CACNB2: variants seen among roughly 807,000 people sequenced by gnomAD.
The protein encoded by CACNB2 is calcium voltage-gated channel auxiliary subunit beta 2, also known as voltage-dependent L-type calcium channel subunit beta-2.
CACNB2 carries 42 observed loss-of-function variants against 73.3 expected under a neutral mutation model. The ratio of observed to expected loss-of-function variants is 0.57; its 90% CI spans 0.45 to 0.74. The LOEUF (loss-of-function observed/expected upper bound fraction) is 0.74, where lower values mean the gene tolerates loss of function less well. Among genes scored for constraint, CACNB2 ranks in the 30% least tolerant of loss-of-function variants. The pLI, the probability that CACNB2 is intolerant of heterozygous loss-of-function variation, is 0.00. For synonymous variants in CACNB2, 348 were observed against 310.3 expected, an observed-to-expected ratio of 1.12 and a Z score of -1.28; for missense variants, 940 against 853.0, an observed-to-expected ratio of 1.10 and a Z score of -1.27.
At chr10:18,161,520 C>A (rs1159764492) in intron 2 of CACNB2, among the ~76,000 whole-genome samples, 2 of 151,552 alleles carry the variant, frequency 1.3e-5, no homozygotes, top group African/African-American at 4.9e-5. Context: ...GTAGGTGTAA[C>A]CTTAAAGTTT....
intron 2 of CACNB2, among the ~76,000 whole-genome samples, chr10:18,373,546 A>C (rs924291833): frequency 1.3e-5 from 2 of 152,210 alleles, no homozygotes; most frequent in Non-Finnish European, 2.9e-5. Flanking sequence ...GCCCAAGATC[A>C]CATAGTTCAT....
intron 6 of CACNB2, among the ~76,000 whole-genome samples, chr10:18,509,081 T>C (rs2050631923): frequency 6.6e-6 from 1 of 152,216 alleles, no homozygotes; most frequent in South Asian, 2.1e-4. Flanking sequence ...CTTGGAGCTA[T>C]AACCAACTAC....
At chr10:18,185,554 G>A (rs915186696) in intron 2 of CACNB2, among the ~76,000 whole-genome samples, 1 of 152,116 alleles carries the variant, frequency 6.6e-6, no homozygotes, top group Non-Finnish European at 1.5e-5. Flanking sequence ...GGACTGTTTT[G>A]GACACAGTTT....
At chr10:18,418,716 C>A (rs934925464) in intron 3 of CACNB2, among the ~76,000 whole-genome samples, 1 of 151,952 alleles carries the variant, frequency 6.6e-6, no homozygotes, top group African/African-American at 2.4e-5. Flanking sequence ...TGTCACTTCC[C>A]TTTTTTTTGG....
intron 2 of CACNB2, among the ~76,000 whole-genome samples, chr10:18,220,226 T>TAGAG (rs1275395034): frequency 8.1e-4 from 37 of 45,656 alleles, no homozygotes; most frequent in East Asian, 1.7e-3. Flanking sequence ...TATATATATA[T>TAGAG]ATATATAGAG....
intron 10 of CACNB2, among the ~76,000 whole-genome samples, chr10:18,531,047 G>T (rs951680880): frequency 1.3e-5 from 2 of 152,104 alleles, no homozygotes; most frequent in African/African-American, 2.4e-5. Flanking sequence ...AGAGTTTTGT[G>T]TGTAGTAATT....
At chr10:18,455,072 T>C (rs1295072015) in intron 3 of CACNB2, among the ~76,000 whole-genome samples, 3 of 149,988 alleles carry the variant, frequency 2.0e-5, no homozygotes, top group Non-Finnish European at 3.0e-5. Flanking sequence ...TTCGTACTCA[T>C]TGACGTGAAA....
rs574511421 is a variant in CACNB2 at position 18,196,269 on chromosome 10, A to G, written c.213+45294A>G. 6.7e-5 allele frequency among the ~76,000 whole-genome samples: 10 copies of G among 150,320 alleles called. No homozygotes were observed. In the East Asian group the frequency reaches 2.0e-3, roughly 29 times the overall value. On this transcript the variant is annotated intron_variant, in intron 2 of 13. Coordinates refer to ENST00000324631, the MANE Select transcript of CACNB2 (RefSeq NM_201596.3). ...CACTACTAAGCTGTTTAACAATACAATGGCAGCACCACCACCAACAAAACT... is the reference window on the plus strand; with the variant it reads ...CACTACTAAGCTGTTTAACAATACAGTGGCAGCACCACCACCAACAAAACT...
intron 1 of CACNB2, among the ~76,000 whole-genome samples, chr10:18,145,678 C>T (rs909660377): frequency 6.6e-6 from 1 of 152,164 alleles, no homozygotes; most frequent in Non-Finnish European, 1.5e-5. Context: ...TGGTGATACT[C>T]TACAATTTTG....
At chr10:18,272,567 C>A (rs60528574) in intron 2 of CACNB2, among the ~76,000 whole-genome samples, 1 of 152,168 alleles carries the variant, frequency 6.6e-6, no homozygotes, top group Non-Finnish European at 1.5e-5. Context: ...ATAATCCCCA[C>A]GAGTCATGGG....
chr10:18,446,918 G>T (rs1264530467), intron 3 of CACNB2, among the ~76,000 whole-genome samples: 1 of 152,118 alleles, frequency 6.6e-6, no homozygotes, highest in East Asian at 1.9e-4. Context: ...AAAAAATTAG[G>T]TGTGATGGTG....
chr10:18,507,650 T>A (rs2050563487), intron 6 of CACNB2, among the ~76,000 whole-genome samples: 1 of 152,138 alleles, frequency 6.6e-6, no homozygotes, highest in African/African-American at 2.4e-5. Context: ...AAAAAGCACA[T>A]GATCAGTATC....
intron 2 of CACNB2, among the ~76,000 whole-genome samples, chr10:18,245,698 G>A (rs1005963580): frequency 5.3e-5 from 8 of 151,870 alleles, no homozygotes; most frequent in East Asian, 1.9e-4. Context: ...AGTTAGCCAC[G>A]TGATTACCTC....
chr10:18,505,265 G>A (rs1187646071), intron 5 of CACNB2, among the ~76,000 whole-genome samples: 2 of 150,820 alleles, frequency 1.3e-5, no homozygotes, highest in East Asian at 1.9e-4. Context: ...AAAAACTTCT[G>A]GGGAAAAAAA....
chr10:18,301,805 C>T (rs1310181865), intron 2 of CACNB2, among the ~76,000 whole-genome samples: 4 of 151,798 alleles, frequency 2.6e-5, no homozygotes, highest in Non-Finnish European at 4.4e-5. Flanking sequence ...TCTGCCACCA[C>T]GCACAGCTAA....
At chr10:18,410,356 AG>A (rs1308919279) in intron 3 of CACNB2, among the ~76,000 whole-genome samples, 1 of 152,236 alleles carries the variant, frequency 6.6e-6, no homozygotes, top group East Asian at 1.9e-4. Context: ...AGTAGTTTTC[AG>A]TAAACATACT....
chr10:18,286,986 A>G (rs1384046872), intron 2 of CACNB2, among the ~76,000 whole-genome samples: 1 of 152,224 alleles, frequency 6.6e-6, no homozygotes, highest in Non-Finnish European at 1.5e-5. Flanking sequence ...GTCTATGAAT[A>G]AGTTAAAATT....
intron 2 of CACNB2, among the ~76,000 whole-genome samples, chr10:18,232,647 G>A (rs180993648): frequency 1.3e-5 from 2 of 152,298 alleles, no homozygotes; most frequent in South Asian, 2.1e-4. Context: ...GCTGAGCCAC[G>A]TTATGTCAGC....
chr10:18,347,060 A>G (rs2041489622), intron 2 of CACNB2, among the ~76,000 whole-genome samples: 1 of 152,192 alleles, frequency 6.6e-6, no homozygotes, highest in Non-Finnish European at 1.5e-5. Flanking sequence ...TCTGTTTCAT[A>G]CTGTTCTGTG....
Sources: allele counts gnomAD v4.1 joint callset (sites outside exome capture counted in the v4.1 genomes callset), GRCh38; gene constraint gnomAD v4.1.1; transcripts MANE v1.5; gene names NCBI Gene and HGNC (gene_info 2026-07-23, HGNC 2026-07-21).